HECW2: variants seen among roughly 807,000 people sequenced by gnomAD.
The protein encoded by HECW2 is HECT, C2 and WW domain containing E3 ubiquitin protein ligase 2.
In HECW2, 61 loss-of-function variants were observed where a neutral mutation model predicts 175.2. The observed-to-expected ratio is 0.35, with a 90% CI of 0.28 to 0.43. HECW2 has a LOEUF of 0.43. Ranked by LOEUF, HECW2 falls within the 20% of genes least tolerant of loss-of-function variation. HECW2 has a pLI of 1.00. For missense variants in HECW2, 1,524 were observed against 2,000.5 expected, an observed-to-expected ratio of 0.76 and a Z score of 4.54; for synonymous variants, 671 against 731.0, an observed-to-expected ratio of 0.92 and a Z score of 1.32.
At chr2:196,242,445 C>T (rs1369321616) in intron 19 of HECW2, 2 of 479,876 alleles carry the variant, frequency 4.2e-6, no homozygotes, top group African/African-American at 2.0e-5. Context: ...TACAATGGTG[C>T]CCATGTGTTT....
chr2:196,267,604 T>A (rs541110127), intron 17 of HECW2, among the ~76,000 whole-genome samples: 1 of 151,664 alleles, frequency 6.6e-6, no homozygotes, highest in Admixed American at 6.6e-5. Context: ...TAGGGAGCAG[T>A]GATTTAAATA....
intron 13 of HECW2, among the ~76,000 whole-genome samples, chr2:196,298,028 G>A (rs183416622): frequency 1.4e-3 from 218 of 152,228 alleles, no homozygotes; most frequent in African/African-American, 5.2e-3. Flanking sequence ...AAGAATATAC[G>A]TATGGATTTT....
intron 1 of HECW2, among the ~76,000 whole-genome samples, chr2:196,438,552 T>C (rs1447663132): frequency 2.6e-5 from 4 of 152,228 alleles, no homozygotes; most frequent in Admixed American, 2.0e-4. Context: ...ATTTAAACCA[T>C]GGAGGTGCCT....
chr2:196,201,186 C>T lies in HECW2; in HGVS notation c.*91G>A. On this transcript the variant is annotated 3_prime_UTR_variant, in exon 29 of 29. Transcript: ENST00000644978. ...GCACATAGCTTTATCCTAAAGGAAG[C>T]ATCCTCTTGAAACTTCCAATGTTCA... 1 of 852,750 alleles carries T rather than the reference C, an allele frequency of 1.2e-6. No homozygotes were observed. Among genetic ancestry groups the T allele is most frequent in the Non-Finnish European group, 2.0e-6 (1 of 493,516 alleles). 52.8% of individuals were successfully genotyped at this position (852,750 alleles called of 1,614,324 possible).
At chr2:196,391,020 G>A (rs943199713) in intron 2 of HECW2, among the ~76,000 whole-genome samples, 3 of 152,046 alleles carry the variant, frequency 2.0e-5, no homozygotes, top group Non-Finnish European at 4.4e-5. Flanking sequence ...CTGGGAAACC[G>A]ACCTATAGGT....
chr2:196,451,518 C>T (rs907018833), intron 1 of HECW2, among the ~76,000 whole-genome samples: 84 of 151,486 alleles, frequency 5.5e-4, no homozygotes, highest in African/African-American at 2.0e-3. Flanking sequence ...ACACTAGAAA[C>T]AGGCCATTAA....
intron 1 of HECW2, among the ~76,000 whole-genome samples, chr2:196,581,741 T>C (rs1690792864): frequency 6.6e-6 from 1 of 152,214 alleles, no homozygotes; most frequent in African/African-American, 2.4e-5. Context: ...ATTCATTGAT[T>C]TGGACTATGA....
At chr2:196,478,598 T>C (rs1473054548) in intron 1 of HECW2, among the ~76,000 whole-genome samples, 1 of 152,098 alleles carries the variant, frequency 6.6e-6, no homozygotes, top group Non-Finnish European at 1.5e-5. Context: ...AGTTACTTTT[T>C]ACCTAATCCC....
chr2:196,553,911 A>C (rs1689692232), intron 1 of HECW2, among the ~76,000 whole-genome samples: 1 of 152,166 alleles, frequency 6.6e-6, no homozygotes, highest in Non-Finnish European at 1.5e-5. Context: ...ACCAATAAAA[A>C]ACTCTTCAGT....
intron 28 of HECW2, among the ~76,000 whole-genome samples, chr2:196,208,245 AC>A (rs753287886): frequency 6.6e-6 from 1 of 152,246 alleles, no homozygotes; most frequent in Non-Finnish European, 1.5e-5. Context: ...CTTCAAAACA[AC>A]TTTGTAATAT....
intron 2 of HECW2, among the ~76,000 whole-genome samples, chr2:196,429,486 C>A (rs186117346): frequency 1.2e-4 from 18 of 151,998 alleles, no homozygotes; most frequent in African/African-American, 3.6e-4. Context: ...ATTGAGACCT[C>A]TTATCTCCCA....
At chr2:196,329,310 G>A (rs771242754) in intron 5 of HECW2, among the ~76,000 whole-genome samples, 6 of 152,108 alleles carry the variant, frequency 3.9e-5, no homozygotes, top group African/African-American at 4.8e-5. Context: ...AGCACATTAC[G>A]TTACAGTTTT....
At chr2:196,306,386 TG>T in intron 13 of HECW2, 101 bp downstream of exon 13, 1 of 1,228,444 alleles carries the variant, frequency 8.1e-7, no homozygotes, top group Non-Finnish European at 1.1e-6. Context: ...CTAAGTGCTC[TG>T]GAAACATTCG....
At chr2:196,402,062 G>A (rs546528509) in intron 2 of HECW2, among the ~76,000 whole-genome samples, 6 of 151,952 alleles carry the variant, frequency 3.9e-5, no homozygotes, top group Admixed American at 2.0e-4. Flanking sequence ...TTAGCCGGAC[G>A]TGGTGGCGGG....
At chr2:196,445,325 T>C (rs948281540) in intron 1 of HECW2, among the ~76,000 whole-genome samples, 1 of 152,152 alleles carries the variant, frequency 6.6e-6, no homozygotes. Context: ...AAACTTGGAG[T>C]TTATTTTTGA....
In HECW2 at chr2:196,485,175, A is replaced by G. The variant is rs552058597; in HGVS notation, c.-35-51717T>C. On this transcript the variant is annotated intron_variant, in intron 1 of 28. Transcript: ENST00000644978. ...GGAGAAAAGAAAATATCAAAAAAAG[A>G]AGAGTTCTATTGGAGCACCGAGTGT... Among the ~76,000 whole-genome samples, 5 of 152,270 alleles carry G rather than the reference A, an allele frequency of 3.3e-5. No homozygotes were observed. In the South Asian group the frequency reaches 1.0e-3, roughly 32 times the overall value.
At chr2:196,360,890 C>T (rs1475698407) in intron 2 of HECW2, among the ~76,000 whole-genome samples, 1 of 152,146 alleles carries the variant, frequency 6.6e-6, no homozygotes, top group East Asian at 1.9e-4. Flanking sequence ...CTAAACTGTG[C>T]TCAATGAGGG....
chr2:196,560,819 C>T (rs1262203134), intron 1 of HECW2, among the ~76,000 whole-genome samples: 1 of 152,174 alleles, frequency 6.6e-6, no homozygotes, highest in African/African-American at 2.4e-5. Flanking sequence ...TTATCACTTC[C>T]CCAATCAATA....
chr2:196,206,802 G>C (rs553904934), intron 28 of HECW2, among the ~76,000 whole-genome samples: 1 of 152,192 alleles, frequency 6.6e-6, no homozygotes, highest in Non-Finnish European at 1.5e-5. Context: ...CTAGCTGCAG[G>C]CTGCATTTCT....
Sources: gnomAD v4.1 joint callset for allele counts (sites outside exome capture counted in the v4.1 genomes callset) on GRCh38, gnomAD v4.1.1 for gene constraint, MANE v1.5 for transcripts, NCBI Gene and HGNC (gene_info 2026-07-23, HGNC 2026-07-21) for gene names.